The following ECD variants were observed in gnomAD, a reference collection of about 807,000 sequenced individuals.
ECD encodes the protein protein ecdysoneless homolog.
ECD carries 59 observed loss-of-function variants against 77.2 expected under a neutral mutation model. That is an observed-to-expected ratio of 0.76 (90% confidence interval 0.62 to 0.95). The LOEUF is 0.95. ECD is among the 40% of genes least tolerant of loss of function. ECD has a pLI of 0.00. For missense variants in ECD, 704 were observed against 763.4 expected, an observed-to-expected ratio of 0.92 and a Z score of 0.92; for synonymous variants, 233 against 267.4, an observed-to-expected ratio of 0.87 and a Z score of 1.26.
intron 9 of ECD, among the ~76,000 whole-genome samples, chr10:73,143,847 T>TC (rs1843090823): frequency 6.7e-6 from 1 of 150,186 alleles, no homozygotes; most frequent in Non-Finnish European, 1.5e-5. Flanking sequence ...TTTTTTTTTT[T>TC]CACTGCATTA....
At chr10:73,141,339 T>TAAAAAA (rs749192454) in intron 9 of ECD, 2 of 95,138 alleles carry the variant, frequency 2.1e-5, no homozygotes, top group East Asian at 3.0e-4. Context: ...CCGTCTCTAC[T>TAAAAAA]AAAAAAAAAA....
intron 9 of ECD, among the ~76,000 whole-genome samples, chr10:73,145,447 C>T (rs1241472666): frequency 6.6e-6 from 1 of 152,012 alleles, no homozygotes; most frequent in African/African-American, 2.4e-5. Context: ...AAAAAAACCA[C>T]AAACTTTGGG....
At chr10:73,149,234 C>G (rs572923658) in intron 7 of ECD, among the ~76,000 whole-genome samples, 1 of 152,260 alleles carries the variant, frequency 6.6e-6, no homozygotes, top group African/African-American at 2.4e-5. Flanking sequence ...AGGTAAAATA[C>G]ATAAAGAATC....
chr10:73,142,632 C>CA (rs35853120), intron 9 of ECD, among the ~76,000 whole-genome samples: 1,450 of 72,524 alleles, frequency 0.02, 22 homozygotes, highest in Non-Finnish European at 0.035. Flanking sequence ...GACTCCATCT[C>CA]AAAAAAAAAA....
intron 1 of ECD, among the ~76,000 whole-genome samples, 151 bp from the exon 2 acceptor site, chr10:73,164,101 C>T (rs1246713505): frequency 1.3e-5 from 2 of 151,910 alleles, no homozygotes; most frequent in African/African-American, 2.4e-5. Flanking sequence ...TTTGGGAGGC[C>T]GAGACAGGCA....
chr10:73,159,596 T>C (rs1299740620), intron 3 of ECD, among the ~76,000 whole-genome samples: 2 of 151,986 alleles, frequency 1.3e-5, no homozygotes, highest in Non-Finnish European at 2.9e-5. Context: ...AATAAGTAGG[T>C]TTTATTTGAA....
In ECD at chr10:73,146,267, A is replaced by G. The variant is rs1429313576; in HGVS notation, c.1127+9T>C. On this transcript the variant is annotated intron_variant, in intron 9 of 13. Transcript: ENST00000372979. ...AATCTTTGTAGTAGGAGTCTTAACA[A>G]TAACTCACCTTTCTGGCCAGTCTAC... 1.3e-6 allele frequency: 2 copies of G among 1,568,292 alleles called. No homozygotes were observed. Among genetic ancestry groups the G allele is most frequent in the East Asian group, 4.5e-5 (2 of 44,480 alleles).
At position 73,152,180 on chromosome 10, in the gene ECD, C is replaced by T. The variant is rs1021552626; in HGVS notation, c.912+113G>A. On this transcript the variant is annotated intron_variant, in intron 7 of 13. Coordinates refer to ENST00000372979, the MANE Select transcript of ECD (RefSeq NM_007265.3). ...TTCTAATTTGAAATGCCACATTTTA[C>T]TGCATTCTTACATAAACAGGGTGTA... 77 of 1,275,036 alleles carry T rather than the reference C, an allele frequency of 6.0e-5. No individual in the cohort carries two copies. In the African/African-American group the frequency reaches 1.1e-3, roughly 18 times the overall value. The allele number at this position is 1,275,036 out of a possible 1,614,324, so 79.0% of individuals were successfully genotyped here.
At chr10:73,152,651 C>T (rs1428917276) in intron 6 of ECD, among the ~76,000 whole-genome samples, 9 of 152,084 alleles carry the variant, frequency 5.9e-5, no homozygotes, top group African/African-American at 1.9e-4. Flanking sequence ...GTGGTTCATG[C>T]CTGTAATCCC....
At chr10:73,163,621 A>T in intron 2 of ECD, 112 bp downstream of exon 2, 1 of 989,550 alleles carries the variant, frequency 1.0e-6, no homozygotes, top group Non-Finnish European at 1.5e-6. Context: ...TAAAAAGTTT[A>T]GTGTATTAAT....
rs1398499763 is a variant in ECD, at chr10:73,133,887, C to T, written c.*696G>A. 6.6e-6 allele frequency: 1 copy of T among 152,096 alleles called. No homozygotes were observed. The highest frequency in any genetic ancestry group is 1.5e-5 in the Non-Finnish European group (1 of 68,014). 9.4% of individuals were successfully genotyped at this position (152,096 alleles called of 1,614,324 possible). On this transcript the variant is annotated 3_prime_UTR_variant, in exon 14 of 14. Transcript: ENST00000372979. ...CAAATCCATAGAGACAGAAAGTAGA[C>T]TAGTGGTTTCTAGGGGCTGGGAGTA...
intron 1 of ECD, among the ~76,000 whole-genome samples, chr10:73,166,221 T>C (rs907770446): frequency 2.6e-5 from 4 of 152,154 alleles, no homozygotes; most frequent in Admixed American, 1.3e-4. Context: ...TTCTTCATTA[T>C]CTGTTGATGG....
chr10:73,153,522 A>G (rs1337277114), intron 6 of ECD, among the ~76,000 whole-genome samples: 1 of 151,662 alleles, frequency 6.6e-6, no homozygotes, highest in Non-Finnish European at 1.5e-5. Flanking sequence ...GAATCACTTG[A>G]GGTCAGGAGT....
At position 73,155,634 on chromosome 10, in the gene ECD, T is replaced by C. The variant is rs528228413; in HGVS notation, c.590+641A>G. Among the ~76,000 whole-genome samples the C allele has an allele frequency of 3.4e-5, 5 of 148,188 alleles. No individual in the cohort carries two copies. In the East Asian group the frequency reaches 1.0e-3, roughly 30 times the overall value. ...TTTTTTTTGAGATGGAGTTTCCTACTGTCGCCCAGGCTGGAGTGCAGTGGC... is the reference window on the plus strand; with the variant it reads ...TTTTTTTTGAGATGGAGTTTCCTACCGTCGCCCAGGCTGGAGTGCAGTGGC... On this transcript the variant is annotated intron_variant, in intron 5 of 13. Coordinates refer to ENST00000372979, the MANE Select transcript of ECD (RefSeq NM_007265.3).
chr10:73,165,091 T>G (rs1843435910), intron 1 of ECD, among the ~76,000 whole-genome samples: 1 of 152,176 alleles, frequency 6.6e-6, no homozygotes, highest in African/African-American at 2.4e-5. Context: ...TTCTGGGTTT[T>G]TTTCTTTAAT....
intron 11 of ECD, among the ~76,000 whole-genome samples, chr10:73,138,907 C>T (rs1170139862): frequency 6.6e-6 from 1 of 152,020 alleles, no homozygotes; most frequent in African/African-American, 2.4e-5. Flanking sequence ...TGTTATTTGC[C>T]AAATGTAGTT....
At position 73,156,557 on chromosome 10, in the gene ECD, G is replaced by T; in HGVS notation, c.411+11C>A. The T allele has an allele frequency of 6.2e-7, 1 of 1,613,790 alleles. No individual in the cohort carries two copies. Among genetic ancestry groups the T allele is most frequent in the Non-Finnish European group, 8.5e-7 (1 of 1,179,920 alleles). On this transcript the variant is annotated intron_variant, in intron 4 of 13. Coordinates refer to ENST00000372979, the MANE Select transcript of ECD (RefSeq NM_007265.3). ...CATCTCTATAAATTTTCTAAACTTG[G>T]GTATACTTACCCTATTGGTGCTATT...
intron 13 of ECD, 25 bp downstream of exon 13, chr10:73,136,679 A>C: frequency 6.2e-7 from 1 of 1,606,678 alleles, no homozygotes; most frequent in Non-Finnish European, 8.5e-7. Flanking sequence ...ACTCAGAAAG[A>C]GAAAGAGGTT....
intron 7 of ECD, among the ~76,000 whole-genome samples, chr10:73,150,623 T>C (rs1301254277): frequency 1.3e-5 from 2 of 152,054 alleles, no homozygotes; most frequent in Non-Finnish European, 2.9e-5. Flanking sequence ...GCAATCTACT[T>C]ATCTAACAAA....
Sources: allele counts gnomAD v4.1 joint callset (sites outside exome capture counted in the v4.1 genomes callset), GRCh38; gene constraint gnomAD v4.1.1; transcripts MANE v1.5; gene names NCBI Gene and HGNC (gene_info 2026-07-23, HGNC 2026-07-21).